The following CEP290 variants were observed in gnomAD, a reference collection of about 807,000 sequenced individuals.
The protein encoded by CEP290 is centrosomal protein of 290 kDa.
Under a neutral mutation model 344.9 loss-of-function variants are expected in CEP290, and 317 were observed. The ratio of observed to expected loss-of-function variants is 0.92; its 90% confidence interval spans 0.84 to 1.01. CEP290 has a LOEUF of 1.01. Ranked by LOEUF, CEP290 falls within the 50% of genes least tolerant of loss-of-function variation. CEP290 has a pLI of 0.00. For synonymous variants in CEP290, 932 were observed against 895.8 expected (o/e 1.04, Z -0.72); for missense variants, 2,754 against 2,761.4 (o/e 1.00, Z 0.06).
intron 32 of CEP290, among the ~76,000 whole-genome samples, chr12:88,087,513 G>A (rs901845893): frequency 5.9e-5 from 9 of 151,878 alleles, no homozygotes; most frequent in Admixed American, 3.3e-4. Context: ...GAGGTCAGGA[G>A]ATCAAGACCA....
chr12:88,122,875 A>G (rs1191075533), intron 13 of CEP290, among the ~76,000 whole-genome samples: 1 of 152,078 alleles, frequency 6.6e-6, no homozygotes, highest in Non-Finnish European at 1.5e-5. Flanking sequence ...TCAGATGACC[A>G]TTTTATACTT....
intron 5 of CEP290, among the ~76,000 whole-genome samples, chr12:88,138,832 T>C (rs2040481225): frequency 6.6e-6 from 1 of 152,188 alleles, no homozygotes; most frequent in African/African-American, 2.4e-5. Context: ...ATTACTTCTA[T>C]AACACCCTTT....
Position 88,118,650 on chromosome 12 carries a change from A to G in CEP290, c.1616T>C (p.Leu539Ser). 1 of 1,613,366 alleles carries G rather than the reference A, an allele frequency of 6.2e-7. No individual in the cohort carries two copies. Among genetic ancestry groups the G allele is most frequent in the East Asian group, 2.2e-5 (1 of 44,796 alleles). ...QQYRAENQIL[L>S]KEIESLEEER... ...ACTGACTACCACACTTGCCTCTTTC[A>G]AAAGAATCTGGTTTTCAGCTCTGTA... Residue 539 changes from leucine to serine, a missense_variant, in exon 16 of 54, where the codon TTG becomes TCG. Leu to Ser is a moderately radical substitution (Grantham distance 145). Transcript: ENST00000552810.
chr12:88,116,842 C>A (rs951602814), intron 18 of CEP290, among the ~76,000 whole-genome samples, 191 bp downstream of exon 18: 5 of 151,840 alleles, frequency 3.3e-5, no homozygotes, highest in African/African-American at 9.7e-5. Context: ...GGCGTGGTGG[C>A]GGGCGCCTGT....
At chr12:88,120,912 A>G in intron 14 of CEP290, 85 bp downstream of exon 14, 1 of 1,068,744 alleles carries the variant, frequency 9.4e-7, no homozygotes, top group East Asian at 2.5e-5. Flanking sequence ...TGTTTTTTAA[A>G]TGGTATGCAG....
At chr12:88,097,266 T>C (rs1405760008) in intron 26 of CEP290, among the ~76,000 whole-genome samples, 3 of 152,090 alleles carry the variant, frequency 2.0e-5, no homozygotes, top group Non-Finnish European at 1.5e-5. Context: ...AATCCTCATA[T>C]GTCATGGGAG....
chr12:88,064,404 T>G lies in CEP290; in HGVS notation c.6136-289A>C, dbSNP rs201319161. On this transcript the variant is annotated intron_variant, in intron 44 of 53. Coordinates refer to ENST00000552810, the MANE Select transcript of CEP290 (RefSeq NM_025114.4). Reference sequence around the variant, plus strand: ...TAATTTCATAATGGTTAAACTGATCTATGGTGGTTTTACTAGTCCAAAATA... The same window carrying G: ...TAATTTCATAATGGTTAAACTGATCGATGGTGGTTTTACTAGTCCAAAATA... Among the ~76,000 whole-genome samples the G allele has an allele frequency of 3.9e-5, 6 of 152,210 alleles. No homozygotes were observed. The South Asian group carries it at 6.2e-4, about 16-fold the overall frequency.
rs778628437 is a variant in CEP290 at position 88,139,602 on chromosome 12, TACTGGAATGTAAGC to T, written c.181-52_181-39del. On this transcript the variant is annotated intron_variant, in intron 3 of 53. Coordinates refer to ENST00000552810, the MANE Select transcript of CEP290 (RefSeq NM_025114.4). ...AAAAGGTTATTTCAATATGCCTTTA[TACTGGAATGTAAGC>T]ACTGAAAATAAAAATTCTGTTTTAT... 7 of 1,380,638 alleles carry T rather than the reference TACTGGAATGTAAGC, an allele frequency of 5.1e-6. No homozygotes were observed. The Admixed American group carries it at 1.7e-4, about 33-fold the overall frequency. The allele number at this position is 1,380,638 out of a possible 1,614,324, so 85.5% of individuals were successfully genotyped here. A position where few individuals can be genotyped will look rare whatever the true frequency, so the allele number is the denominator to read the frequency against.
At position 88,092,698 on chromosome 12, in the gene CEP290, T is replaced by C; in HGVS notation, c.3444A>G (p.Leu1148=). The C allele has an allele frequency of 2.5e-6, 4 of 1,609,308 alleles. No individual in the cohort carries two copies. In the South Asian group the frequency reaches 3.3e-5, roughly 13 times the overall value. The change falls in exon 29 of 54, where the codon CTA becomes CTG. Residue 1148 remains leucine, a synonymous_variant. Transcript: ENST00000552810. ...GCACTTACTTTGACACTTCAACTTT[T>C]AGTTCCATTTCATTCTTCTCTAATT... The part of the protein sequence containing the change: ...ILELEKNEME[L]KVEVSKLREI...
chr12:88,139,514 T>A lies in CEP290; in HGVS notation c.231A>T (p.Gly77=). Residue 77 remains glycine, a synonymous_variant, in exon 4 of 54, where the codon GGA becomes GGT. Transcript: ENST00000552810. ...ELALEEVEKA[G]EEQAKFENQL... ...GCTTACCAAATTTTGCTTGTTCTTC[T>A]CCAGCTTTTTCTACTTCTTCCAAAG... is the stretch of plus-strand genomic sequence containing the variant. The A allele has an allele frequency of 6.2e-7, 1 of 1,600,504 alleles. No individual in the cohort carries two copies. The highest frequency in any genetic ancestry group is 1.1e-5 in the South Asian group (1 of 87,812).
In CEP290 at chr12:88,092,783, T is replaced by C. The variant is rs1171335377; in HGVS notation, c.3359A>G (p.Asp1120Gly). Residue 1120 changes from aspartate to glycine, a missense_variant, in exon 29 of 54, where the codon GAT (aspartate) becomes GGT (glycine). Asp to Gly is a moderately conservative substitution (Grantham distance 94). Coordinates refer to ENST00000552810, the MANE Select transcript of CEP290 (RefSeq NM_025114.4). Reference protein sequence around the residue: ...DAQKVEQMLRDELADSVSKAV... With the variant: ...DAQKVEQMLRGELADSVSKAV... ...CTTGCTCACACTATCAGCTAATTCA[T>C]CTCTTAACATCTGTTCCACCTTCTG... The C allele has an allele frequency of 2.5e-6, 4 of 1,610,858 alleles. No individual in the cohort carries two copies. Among genetic ancestry groups the C allele is most frequent in the Non-Finnish European group, 3.4e-6 (4 of 1,178,690 alleles).
At chr12:88,131,681 A>C (rs1218249486) in intron 6 of CEP290, among the ~76,000 whole-genome samples, 1 of 152,182 alleles carries the variant, frequency 6.6e-6, no homozygotes, top group East Asian at 1.9e-4. Flanking sequence ...CTAACACATA[A>C]ATAATAGGCC....
chr12:88,049,468 G>A (rs1266653654), intron 53 of CEP290, 54 bp from the exon 54 acceptor site: 24 of 909,550 alleles, frequency 2.6e-5, no homozygotes, highest in South Asian at 9.6e-5. Flanking sequence ...CATATTTTAC[G>A]TTTGAACAAG....
At position 88,062,782 on chromosome 12, in the gene CEP290, A is replaced by T; in HGVS notation, c.6271-4T>A. On this transcript the variant is annotated splice_polypyrimidine_tract_variant and splice_region_variant and intron_variant, in intron 45 of 53. Coordinates refer to ENST00000552810, the MANE Select transcript of CEP290 (RefSeq NM_025114.4). ...CCTTCAAATCTCTGACTTGATTCTG[A>T]AAGATAACAAGCAAACATGTAATAA... 6.5e-7 allele frequency: 1 copy of T among 1,537,780 alleles called. No homozygotes were observed. Among genetic ancestry groups the T allele is most frequent in the Non-Finnish European group, 8.9e-7 (1 of 1,126,654 alleles).
At chr12:88,108,609 A>T (rs1489205895) in intron 23 of CEP290, among the ~76,000 whole-genome samples, 1 of 152,190 alleles carries the variant, frequency 6.6e-6, no homozygotes, top group Non-Finnish European at 1.5e-5. Context: ...GTTCCCTATA[A>T]ACATATATGA....
chr12:88,064,221 A>G, intron 44 of CEP290, 106 bp from the exon 45 acceptor site: 1 of 934,388 alleles, frequency 1.1e-6, no homozygotes, highest in Non-Finnish European at 1.6e-6. Flanking sequence ...TTTTTCCTCA[A>G]AGGAATATGA....
intron 18 of CEP290, chr12:88,115,879 C>A: frequency 2.0e-6 from 2 of 983,298 alleles, no homozygotes; most frequent in Non-Finnish European, 2.4e-6. Flanking sequence ...GGAAGATTAA[C>A]CTTAAGCTTA....
At position 88,049,062 on chromosome 12, in the gene CEP290, A is replaced by G; in HGVS notation, c.*122T>C. ...TTTTATTTATTAAGAATTCCAATCT[A>G]AGTATAAAGGTACAAGGTAGTGAGA... is the stretch of plus-strand genomic sequence containing the variant. On this transcript the variant is annotated 3_prime_UTR_variant, in exon 54 of 54. Transcript: ENST00000552810. The G allele has an allele frequency of 2.0e-6, 1 of 487,950 alleles. No individual in the cohort carries two copies. The highest frequency in any genetic ancestry group is 3.6e-6 in the Non-Finnish European group (1 of 276,800). 30.2% of individuals were successfully genotyped at this position (487,950 alleles called of 1,614,324 possible). A position where few individuals can be genotyped will look rare whatever the true frequency, so the allele number is the denominator to read the frequency against.
At position 88,107,224 on chromosome 12, in the gene CEP290, T is replaced by C. The variant is rs61941022; in HGVS notation, c.2484-126A>G. 3,729 of 517,988 alleles carry C rather than the reference T, an allele frequency of 7.2e-3. 22 individuals carry two copies. Among genetic ancestry groups the C allele is most frequent in the Non-Finnish European group, 9.5e-3 (2,934 of 309,902 alleles). The allele number at this position is 517,988 out of a possible 1,614,324, so 32.1% of individuals were successfully genotyped here. A position where few individuals can be genotyped will look rare whatever the true frequency, so the allele number is the denominator to read the frequency against. On this transcript the variant is annotated intron_variant, in intron 23 of 53. Transcript: ENST00000552810. ...CAAGAGGTATCATAGCTATTCAGTA[T>C]CTGAAAACACAAGAAGTTAAACTTT...
Sources: allele counts gnomAD v4.1 joint callset (sites outside exome capture counted in the v4.1 genomes callset), GRCh38; gene constraint gnomAD v4.1.1; transcripts MANE v1.5; gene names NCBI Gene and HGNC (gene_info 2026-07-23, HGNC 2026-07-21).